The following ZNF638 variants were observed in gnomAD, a reference collection of about 807,000 sequenced individuals.
The protein encoded by ZNF638 is zinc finger protein 638.
Under a neutral mutation model 195.6 loss-of-function variants are expected in ZNF638, and 46 were observed. The ratio of observed to expected loss-of-function variants is 0.24; its 90% CI spans 0.19 to 0.30. ZNF638 has a LOEUF of 0.30. Among genes scored for constraint, ZNF638 ranks in the 10% least tolerant of loss-of-function variants. The pLI is 1.00. For synonymous variants in ZNF638, 845 were observed against 772.0 expected, an observed-to-expected ratio of 1.09 and a Z score of -1.57; for missense variants, 2,440 against 2,325.3, an observed-to-expected ratio of 1.05 and a Z score of -1.01.
Position 71,369,917 on chromosome 2 carries a change from C to T in ZNF638, c.2177C>T (p.Thr726Ile), listed in dbSNP as rs1357449731. ...YLEMEFKEAI[T>I]AIMKYIETTP... Reference sequence around the variant, plus strand: ...GAAATGGAATTTAAAGAGGCAATTACTGCAATTATGAAGTACATTGAAACA... The same window carrying T: ...GAAATGGAATTTAAAGAGGCAATTATTGCAATTATGAAGTACATTGAAACA... Residue 726 changes from threonine to isoleucine, a missense_variant, in exon 8 of 28, where the codon ACT becomes ATT. Thr to Ile is a moderately conservative substitution (Grantham distance 89). This residue lies in a region of ZNF638 where 1,883 missense variants were observed against 1,739.1 expected (regional missense o/e 1.08). Coordinates refer to ENST00000264447, the MANE Select transcript of ZNF638 (RefSeq NM_014497.5). 6.3e-7 allele frequency: 1 copy of T among 1,592,406 alleles called. No individual in the cohort carries two copies. The highest frequency in any genetic ancestry group is 1.2e-5 in the South Asian group (1 of 85,530).
chr2:71,395,407 CCTT>C (rs1207152997), intron 10 of ZNF638: 33 of 660,438 alleles, frequency 5.0e-5, no homozygotes, highest in South Asian at 3.3e-4. Flanking sequence ...GAGACGCAAA[CCTT>C]CTTGGAAGTC....
chr2:71,393,545 G>T, intron 10 of ZNF638: 1 of 717,950 alleles, frequency 1.4e-6, no homozygotes. Context: ...GACATTACCT[G>T]GGGGATGCTG....
At chr2:71,375,447 C>T (rs1159544437) in intron 8 of ZNF638, 1 of 152,198 alleles carries the variant, frequency 6.6e-6, no homozygotes, top group East Asian at 1.9e-4. Context: ...CACCTTCTGG[C>T]ATCTTTTCTA....
intron 10 of ZNF638, chr2:71,393,645 T>G (rs1281089846): frequency 2.8e-6 from 2 of 717,752 alleles, no homozygotes; most frequent in African/African-American, 3.5e-5. Flanking sequence ...TGCTCTCTGG[T>G]GTAAGTTACA....
intron 8 of ZNF638, among the ~76,000 whole-genome samples, chr2:71,370,477 CT>C (rs1290059607): frequency 6.6e-6 from 1 of 152,082 alleles, no homozygotes; most frequent in Non-Finnish European, 1.5e-5. Flanking sequence ...AGTTTTGTAA[CT>C]TTAATTTTTC....
chr2:71,354,457 G>A (rs2078990609), intron 2 of ZNF638, among the ~76,000 whole-genome samples: 1 of 151,844 alleles, frequency 6.6e-6, no homozygotes, highest in Non-Finnish European at 1.5e-5. Context: ...ATTTTGGGCT[G>A]GGCATGGTGG....
chr2:71,374,358 T>TG, intron 8 of ZNF638, among the ~76,000 whole-genome samples: 1 of 152,346 alleles, frequency 6.6e-6, no homozygotes, highest in East Asian at 1.9e-4. Flanking sequence ...TCTTCTGTTG[T>TG]GGCAATACTA....
chr2:71,434,105 C>G (rs2080719718), intron 27 of ZNF638, among the ~76,000 whole-genome samples: 2 of 152,290 alleles, frequency 1.3e-5, no homozygotes, highest in African/African-American at 4.8e-5. Flanking sequence ...TGCACTTGGT[C>G]TAATATCCAA....
chr2:71,392,060 G>A (rs1232361951), intron 10 of ZNF638, among the ~76,000 whole-genome samples: 1 of 152,202 alleles, frequency 6.6e-6, no homozygotes, highest in East Asian at 1.9e-4. Flanking sequence ...ATCTATATGG[G>A]CTGCAGACGA....
At chr2:71,361,199 T>A (rs1558841567) in intron 3 of ZNF638, among the ~76,000 whole-genome samples, 1 of 152,132 alleles carries the variant, frequency 6.6e-6, no homozygotes, top group Non-Finnish European at 1.5e-5. Context: ...GCGATCTGCC[T>A]ACCTCAGCCT....
Position 71,423,354 on chromosome 2 carries a change from T to G in ZNF638, c.3840T>G (p.Ile1280Met), listed in dbSNP as rs764415999. 4 of 1,613,914 alleles carry G rather than the reference T, an allele frequency of 2.5e-6. No homozygotes were observed. The highest frequency in any genetic ancestry group is 2.5e-6 in the Non-Finnish European group (3 of 1,179,998). ...CGGAAATATTGCCATCAACTTGTAT[T>G]GTGACGTTAGTACCAGGAATTCCCA... is the stretch of plus-strand genomic sequence containing the variant. ...TVSEILPSTC[I>M]VTLVPGIPTG... Residue 1280 changes from isoleucine to methionine, a missense_variant, in exon 22 of 28, where the codon ATT becomes ATG. Around this residue, in one of 5 missense-constraint regions of ZNF638, gnomAD observed 1,883 missense variants for 1,739.1 expected, o/e 1.08. Transcript: ENST00000264447.
intron 8 of ZNF638, among the ~76,000 whole-genome samples, chr2:71,372,006 C>T (rs1407721175): frequency 1.3e-5 from 2 of 152,100 alleles, no homozygotes; most frequent in Non-Finnish European, 2.9e-5. Flanking sequence ...AGAGAGAGTT[C>T]CTCCAGTGTT....
intron 6 of ZNF638, among the ~76,000 whole-genome samples, chr2:71,366,607 T>C (rs2079204583): frequency 6.6e-6 from 1 of 152,224 alleles, no homozygotes; most frequent in Non-Finnish European, 1.5e-5. Context: ...ATCACTGTGA[T>C]GAGTTTTGCT....
chr2:71,405,964 C>G (rs74515028), intron 18 of ZNF638, among the ~76,000 whole-genome samples, 164 bp from the exon 19 acceptor site: 1 of 152,084 alleles, frequency 6.6e-6, no homozygotes, highest in African/African-American at 2.4e-5. Context: ...ACTGATTACT[C>G]GTACGTAAAA....
chr2:71,403,895 C>A lies in ZNF638; in HGVS notation c.2855C>A (p.Ala952Asp). 1 of 1,587,318 alleles carries A rather than the reference C, an allele frequency of 6.3e-7. No individual in the cohort carries two copies. The highest frequency in any genetic ancestry group is 8.6e-7 in the Non-Finnish European group (1 of 1,160,362). The change falls in exon 17 of 28, where the codon GCT becomes GAT. Residue 952 changes from alanine to aspartate, a missense_variant. Physicochemically the swap from Ala to Asp is moderately radical, Grantham distance 126. This residue lies in a region of ZNF638 where 1,883 missense variants were observed against 1,739.1 expected (regional missense o/e 1.08). Transcript: ENST00000264447. ...GCATATATAGAAATAAATAGAAAAG[C>A]TGCTGAGTCTATGGTAAAATTTTAT... is the stretch of plus-strand genomic sequence containing the variant. Reference protein sequence around the residue: ...KKAYIEINRKAAESMVKFYTC... With the variant: ...KKAYIEINRKDAESMVKFYTC...
At chr2:71,364,929 A>G (rs1319803458) in intron 5 of ZNF638, among the ~76,000 whole-genome samples, 2 of 152,224 alleles carry the variant, frequency 1.3e-5, no homozygotes, top group Non-Finnish European at 2.9e-5. Flanking sequence ...AGAAGCAGAT[A>G]TAAGAATTTA....
chr2:71,371,350 G>T (rs1295294364), intron 8 of ZNF638, among the ~76,000 whole-genome samples: 1 of 152,030 alleles, frequency 6.6e-6, no homozygotes. Context: ...TTTCTTTTGG[G>T]TATATATACC....
intron 20 of ZNF638, among the ~76,000 whole-genome samples, chr2:71,412,820 TGTTCC>T (rs1452277413): frequency 1.2e-4 from 14 of 121,428 alleles, no homozygotes; most frequent in Non-Finnish European, 1.7e-4. Context: ...GGCTCTGTTC[TGTTCC>T]ATTGATCTAT....
chr2:71,384,475 T>C (rs1558858812), intron 10 of ZNF638, among the ~76,000 whole-genome samples: 1 of 152,244 alleles, frequency 6.6e-6, no homozygotes, highest in African/African-American at 2.4e-5. Flanking sequence ...TAGTTTATTT[T>C]CCATGTTACT....
Sources: allele counts gnomAD v4.1 joint callset (sites outside exome capture counted in the v4.1 genomes callset), GRCh38; gene constraint gnomAD v4.1.1; regional missense constraint gnomAD v4.1.1; transcripts MANE v1.5; gene names NCBI Gene and HGNC (gene_info 2026-07-23, HGNC 2026-07-21).